CCNJL: variants seen among roughly 807,000 people sequenced by gnomAD.
The protein encoded by CCNJL is cyclin J like.
Under a neutral mutation model 33.4 loss-of-function variants are expected in CCNJL, and 33 were observed. The ratio of observed to expected loss-of-function variants is 0.99; its 90% confidence interval spans 0.75 to 1.32. The LOEUF is 1.32. CCNJL is among the 40% of genes most tolerant of loss of function. CCNJL has a pLI of 0.00. For missense variants in CCNJL, 512 were observed against 499.7 expected, an observed-to-expected ratio of 1.02 and a Z score of -0.23; for synonymous variants, 227 against 220.9, an observed-to-expected ratio of 1.03 and a Z score of -0.24.
chr5:160,298,597 T>C (rs1261052489), intron 2 of CCNJL, among the ~76,000 whole-genome samples: 2 of 152,134 alleles, frequency 1.3e-5, no homozygotes, highest in African/African-American at 2.4e-5. Context: ...TGATTACAAA[T>C]TGTGCTAAGT....
upstream of CCNJL, among the ~76,000 whole-genome samples, chr5:160,314,269 A>G (rs190748527): frequency 1.3e-5 from 2 of 152,376 alleles, no homozygotes; most frequent in East Asian, 3.9e-4. Flanking sequence ...TGTTCACACA[A>G]GAATGGATGG....
chr5:160,285,586 A>G (rs1356935563), intron 2 of CCNJL, among the ~76,000 whole-genome samples: 1 of 152,252 alleles, frequency 6.6e-6, no homozygotes, highest in Non-Finnish European at 1.5e-5. Context: ...TTCAAAGAAG[A>G]CAGATTGAGC....
rs2113175447 is a variant in CCNJL at position 160,250,823 on chromosome 5, A to C, written c.*2555T>G. 6.6e-6 allele frequency: 1 copy of C among 152,366 alleles called. No homozygotes were observed. Among genetic ancestry groups the C allele is most frequent in the East Asian group, 1.9e-4 (1 of 5,192 alleles). 9.4% of individuals were successfully genotyped at this position (152,366 alleles called of 1,614,324 possible). ...TTACAAAAAGCTGATCTTATGCTTG[A>C]AGAAATATAATAATTATCTCCTTTT... is the stretch of plus-strand genomic sequence containing the variant. On this transcript the variant is annotated 3_prime_UTR_variant, in exon 6 of 6. Coordinates refer to ENST00000257536, the MANE Select transcript of CCNJL (RefSeq NM_001308173.3).
chr5:160,313,359 C>T (rs534196439), upstream of CCNJL, among the ~76,000 whole-genome samples: 5 of 152,218 alleles, frequency 3.3e-5, no homozygotes, highest in South Asian at 1.0e-3. Context: ...TTGTCAAGTT[C>T]CTCAAACTCA....
Position 160,267,012 on chromosome 5 carries a change from C to G in CCNJL, c.281-7241G>C, listed in dbSNP as rs1042497548. On this transcript the variant is annotated intron_variant, in intron 3 of 5. Transcript: ENST00000257536. ...GATGTCCCCCTCCCCCAGGGTGAGA[C>G]TTTTCCCAGGTAACCCAGTTGGGTT... is the stretch of plus-strand genomic sequence containing the variant. Among the ~76,000 whole-genome samples, 3 of 152,208 alleles carry G rather than the reference C, an allele frequency of 2.0e-5. No individual in the cohort carries two copies. In the South Asian group the frequency reaches 6.2e-4, roughly 31 times the overall value.
intron 1 of CCNJL, among the ~76,000 whole-genome samples, chr5:160,318,948 T>C (rs1763409127): frequency 6.6e-6 from 1 of 152,232 alleles, no homozygotes; most frequent in Non-Finnish European, 1.5e-5. Flanking sequence ...TTAAATAGCA[T>C]ATTTTAAAAA....
At position 160,318,490 on chromosome 5, in the gene CCNJL, A is replaced by G. The variant is rs145189279; in HGVS notation, n.207-2985T>C. On this transcript the variant is annotated intron_variant and non_coding_transcript_variant, in intron 1 of 7. Coordinates refer to the CCNJL transcript ENST00000377503. ...TTTGTGGAGGTACACCATTCAATCCATAACAGAAGGCAATAGTATTCTAGG... is the reference window on the plus strand; with the variant it reads ...TTTGTGGAGGTACACCATTCAATCCGTAACAGAAGGCAATAGTATTCTAGG... 6.3e-3 allele frequency among the ~76,000 whole-genome samples: 966 copies of G among 152,364 alleles called. 12 individuals are homozygous for G. Among genetic ancestry groups the G allele is most frequent in the African/African-American group, 0.022 (908 of 41,584 alleles).
At chr5:160,269,335 G>T (rs746258345) in intron 3 of CCNJL, 1 of 446,448 alleles carries the variant, frequency 2.2e-6, no homozygotes, top group Non-Finnish European at 4.5e-6. Flanking sequence ...TTTGTCACCC[G>T]AATAGCTGGC....
chr5:160,278,539 T>C (rs1023408177), intron 3 of CCNJL, among the ~76,000 whole-genome samples: 49 of 152,196 alleles, frequency 3.2e-4, no homozygotes, highest in East Asian at 1.2e-3. Flanking sequence ...ATATGGCAGG[T>C]GTCCTGAAAA....
chr5:160,261,807 A>G (rs1187852843), intron 3 of CCNJL, among the ~76,000 whole-genome samples: 1 of 152,184 alleles, frequency 6.6e-6, no homozygotes, highest in Non-Finnish European at 1.5e-5. Context: ...ATCAAGTATT[A>G]ATATGAATGG....
chr5:160,303,037 C>G (rs902677357), intron 2 of CCNJL, among the ~76,000 whole-genome samples: 3 of 152,030 alleles, frequency 2.0e-5, no homozygotes, highest in Non-Finnish European at 4.4e-5. Context: ...TTTTGTATAG[C>G]GTGGTTTTAC....
chr5:160,286,756 C>T (rs1225485850), intron 2 of CCNJL, among the ~76,000 whole-genome samples: 1 of 152,128 alleles, frequency 6.6e-6, no homozygotes, highest in Non-Finnish European at 1.5e-5. Flanking sequence ...CTCAAGAGGG[C>T]AGGATTTTGA....
intron 2 of CCNJL, among the ~76,000 whole-genome samples, chr5:160,311,481 T>C (rs116488857): frequency 0.018 from 2,774 of 152,300 alleles, 41 homozygotes; most frequent in Non-Finnish European, 0.03. Flanking sequence ...GCTTGCTAGA[T>C]ACATACACAT....
chr5:160,256,181 G>A (rs950859910), intron 4 of CCNJL, among the ~76,000 whole-genome samples: 21 of 152,252 alleles, frequency 1.4e-4, no homozygotes, highest in African/African-American at 5.1e-4. Context: ...GAGCCACCAC[G>A]CTCAGACCAG....
Position 160,253,729 on chromosome 5 carries a change from T to C in CCNJL, c.813A>G (p.Thr271=). ...KSQALAMVPG[T]PPTPTQVLFQ... ...ACAGCACTTGAGTGGGGGTGGGGGG[T>C]GTGCCGGGCACCATTGCCAAGGCCT... The change falls in exon 6 of 6, where the codon ACA becomes ACG. Residue 271 remains threonine (T), a synonymous_variant. Coordinates refer to ENST00000257536, the MANE Select transcript of CCNJL (RefSeq NM_001308173.3). The C allele has an allele frequency of 6.3e-7, 1 of 1,576,176 alleles. No homozygotes were observed. Among genetic ancestry groups the C allele is most frequent in the Non-Finnish European group, 8.6e-7 (1 of 1,162,414 alleles).
At position 160,322,851 on chromosome 5, in the gene CCNJL, C is replaced by T. The variant is rs546718854; in HGVS notation, n.207-7346G>A. On this transcript the variant is annotated intron_variant and non_coding_transcript_variant, in intron 1 of 7. Coordinates refer to the CCNJL transcript ENST00000377503. ...TTGAAACAGGCAGGCAGAGGGAGGA[C>T]GCAGTGAGCCGAGATTGCGCTACTG... 9.9e-5 allele frequency among the ~76,000 whole-genome samples: 15 copies of T among 151,240 alleles called. No homozygotes were observed. In the South Asian group the frequency reaches 2.5e-3, roughly 25 times the overall value.
chr5:160,317,126 A>G (rs1318785426), upstream of CCNJL, among the ~76,000 whole-genome samples: 1 of 152,210 alleles, frequency 6.6e-6, no homozygotes, highest in East Asian at 1.9e-4. Flanking sequence ...CCAAAAACCA[A>G]TCCAATGCCT....
chr5:160,282,940 A>T (rs10085043), intron 2 of CCNJL, among the ~76,000 whole-genome samples: 4 of 129,588 alleles, frequency 3.1e-5, no homozygotes, highest in African/African-American at 1.1e-4. Flanking sequence ...AGGGTTCTTA[A>T]GTGACCCAGC....
upstream of CCNJL, among the ~76,000 whole-genome samples, chr5:160,314,420 A>G (rs895170869): frequency 1.3e-5 from 2 of 152,250 alleles, no homozygotes; most frequent in African/African-American, 4.8e-5. Flanking sequence ...GGGGGAAAAA[A>G]GTAAAACTAA....
Sources: allele counts gnomAD v4.1 joint callset (sites outside exome capture counted in the v4.1 genomes callset), GRCh38; gene constraint gnomAD v4.1.1; transcripts MANE v1.5; gene names NCBI Gene and HGNC (gene_info 2026-07-23, HGNC 2026-07-21).